The following MPDZ variants were observed in gnomAD, a reference collection of about 807,000 sequenced individuals.
The protein encoded by MPDZ is multiple PDZ domain crumbs cell polarity complex component.
MPDZ carries 234 observed loss-of-function variants against 239.1 expected under a neutral mutation model. That is an observed-to-expected ratio of 0.98 (90% CI 0.88 to 1.09). The LOEUF is 1.09. MPDZ is among the 50% of genes least tolerant of loss of function. The pLI is 0.00. For synonymous variants in MPDZ, 1,048 were observed against 881.3 expected, an observed-to-expected ratio of 1.19 and a Z score of -3.35; for missense variants, 3,175 against 2,510.0, an observed-to-expected ratio of 1.26 and a Z score of -5.66.
chr9:13,119,540 G>T lies in MPDZ; in HGVS notation c.5341C>A (p.Arg1781Ser), dbSNP rs193128302. ...QILMVNGEDV[R>S]NATQEAVAAL... is the part of the protein sequence containing the mutation. ...GCAACCGCTTCTTGGGTGGCATTAC[G>T]AACGTCTTCCCCATTCACCATTAAT... The change falls in exon 39 of 47, where the codon CGT becomes AGT. Residue 1781 changes from arginine (R) to serine (S), a missense_variant. Coordinates refer to ENST00000319217, the MANE Select transcript of MPDZ (RefSeq NM_001378778.1). 63 of 1,613,022 alleles carry T rather than the reference G, an allele frequency of 3.9e-5. No individual in the cohort carries two copies. The East Asian group carries it at 1.2e-3, about 32-fold the overall frequency.
chr9:13,246,038 T>C (rs945125323), intron 3 of MPDZ, among the ~76,000 whole-genome samples: 3 of 90,062 alleles, frequency 3.3e-5, no homozygotes, highest in African/African-American at 8.4e-5. Flanking sequence ...ATAGAAGATA[T>C]CTGTTCAACT....
chr9:13,151,257 T>C (rs571283402), intron 24 of MPDZ, among the ~76,000 whole-genome samples: 1 of 152,122 alleles, frequency 6.6e-6, no homozygotes, highest in East Asian at 1.9e-4. Flanking sequence ...TATAGGTTCC[T>C]CAAAAAATTA....
intron 3 of MPDZ, among the ~76,000 whole-genome samples, chr9:13,244,822 C>A (rs897443155): frequency 1.3e-5 from 2 of 152,078 alleles, no homozygotes; most frequent in African/African-American, 4.8e-5. Context: ...GGTATGTCAG[C>A]ATCTGTCATT....
chr9:13,126,630 A>C, intron 33 of MPDZ, 40 bp from the exon 34 acceptor site: 5 of 1,611,934 alleles, frequency 3.1e-6, no homozygotes, highest in Non-Finnish European at 4.2e-6. Context: ...ATATTCCAAA[A>C]GTAATTCCCT....
intron 39 of MPDZ, 41 bp downstream of exon 39, chr9:13,119,461 C>T: frequency 1.3e-6 from 2 of 1,570,772 alleles, no homozygotes; most frequent in African/African-American, 1.4e-5. Flanking sequence ...TATCTTTTTT[C>T]TTCTACGCTA....
In MPDZ at chr9:13,176,261, G is replaced by A. The variant is rs2134187979; in HGVS notation, c.2806C>T (p.Pro936Ser). The A allele has an allele frequency of 6.2e-7, 1 of 1,609,310 alleles. No homozygotes were observed. Among genetic ancestry groups the A allele is most frequent in the Non-Finnish European group, 8.5e-7 (1 of 1,177,466 alleles). ...ASGFTINDYTPANAIEQQYEC... is the reference protein window; with the variant it reads ...ASGFTINDYTSANAIEQQYEC... Reference sequence around the variant, plus strand: ...TATTGTTGTTCAATAGCATTTGCAGGTGTGTAGTCATTTATAGTAAAGCCA... The same window carrying A: ...TATTGTTGTTCAATAGCATTTGCAGATGTGTAGTCATTTATAGTAAAGCCA... Residue 936 changes from proline (P) to serine (S), a missense_variant, in exon 20 of 47, where the codon CCT (proline) becomes TCT (serine). Physicochemically the swap from Pro to Ser is moderately conservative, Grantham distance 74. Transcript: ENST00000319217.
At chr9:13,268,286 T>C (rs956078161) in intron 1 of MPDZ, among the ~76,000 whole-genome samples, 4 of 151,962 alleles carry the variant, frequency 2.6e-5, no homozygotes, top group African/African-American at 9.7e-5. Context: ...GCCATGTGTA[T>C]AGGAAGATTT....
intron 43 of MPDZ, among the ~76,000 whole-genome samples, chr9:13,111,620 G>C (rs567791562): frequency 1.4e-4 from 21 of 152,116 alleles, no homozygotes; most frequent in Non-Finnish European, 2.8e-4. Context: ...TTAAACTTCT[G>C]CAAAATTATC....
At chr9:13,234,828 T>A (rs1287308563) in intron 3 of MPDZ, among the ~76,000 whole-genome samples, 1 of 146,254 alleles carries the variant, frequency 6.8e-6, no homozygotes, top group African/African-American at 2.5e-5. Context: ...TTTTTTTTTT[T>A]AATCATGCAC....
chr9:13,152,927 G>T (rs1949372378), intron 24 of MPDZ, among the ~76,000 whole-genome samples: 2 of 152,038 alleles, frequency 1.3e-5, no homozygotes. Flanking sequence ...TGAGGTCTTT[G>T]GCCTAGATGA....
Position 13,112,062 on chromosome 9 carries a change from G to C in MPDZ, c.5686C>G (p.His1896Asp). Residue 1896 changes from histidine to aspartate, a missense_variant, in exon 43 of 47, where the codon CAC (histidine) becomes GAC (aspartate). Coordinates refer to ENST00000319217, the MANE Select transcript of MPDZ (RefSeq NM_001378778.1). The stretch of plus-strand genomic sequence containing the variant: ...GTCTGTGCTGCAACTCCAGTTGGGT[G>C]CATCATTGCAATAAATATAGGCACA... ...GDVPIFIAMMHPTGVAAQTQK... is the reference protein window; with the variant it reads ...GDVPIFIAMMDPTGVAAQTQK... 6.2e-7 allele frequency: 1 copy of C among 1,613,612 alleles called. No individual in the cohort carries two copies. Among genetic ancestry groups the C allele is most frequent in the Non-Finnish European group, 8.5e-7 (1 of 1,179,672 alleles).
chr9:13,190,880 C>G (rs1026219084), intron 15 of MPDZ, among the ~76,000 whole-genome samples: 1 of 152,132 alleles, frequency 6.6e-6, no homozygotes, highest in Non-Finnish European at 1.5e-5. Context: ...TATTCATCAA[C>G]TGGGTCCCAG....
rs760657684 is a variant in MPDZ, at chr9:13,190,226, C to T, written c.2042G>A (p.Gly681Asp). The stretch of plus-strand genomic sequence containing the variant: ...TGCTTGAACCTCTTCTGTACTCTGA[C>T]CCGCATCAGTCATCGCCAGCACTGG... The part of the protein sequence containing the change: ...EDPVLAMTDA[G>D]QSTEEVQAPL... The change falls in exon 16 of 47, where the codon GGT becomes GAT. Residue 681 changes from glycine (G) to aspartate (D), a missense_variant. Physicochemically the swap from Gly to Asp is moderately conservative, Grantham distance 94. Coordinates refer to ENST00000319217, the MANE Select transcript of MPDZ (RefSeq NM_001378778.1). 1 of 1,612,942 alleles carries T rather than the reference C, an allele frequency of 6.2e-7. No individual in the cohort carries two copies. Among genetic ancestry groups the T allele is most frequent in the South Asian group, 1.1e-5 (1 of 91,000 alleles).
intron 1 of MPDZ, among the ~76,000 whole-genome samples, chr9:13,255,034 T>C (rs1969092701): frequency 6.6e-6 from 1 of 152,188 alleles, no homozygotes; most frequent in Non-Finnish European, 1.5e-5. Context: ...CAATAGAACC[T>C]CTCAAATCCT....
In MPDZ at chr9:13,190,398, C is replaced by G. The variant is rs1196682942; in HGVS notation, c.1969-99G>C. The G allele has an allele frequency of 2.9e-6, 3 of 1,050,376 alleles. No individual in the cohort carries two copies. The African/African-American group carries it at 4.9e-5, about 17-fold the overall frequency. 65.1% of individuals were successfully genotyped at this position (1,050,376 alleles called of 1,614,324 possible). ...GGGATATTCCCAGCATCTGTCCAAA[C>G]AAAACATCCTCAAACAAGAGTAGCA... On this transcript the variant is annotated intron_variant, in intron 15 of 46. Coordinates refer to ENST00000319217, the MANE Select transcript of MPDZ (RefSeq NM_001378778.1).
chr9:13,167,869 G>C (rs543186779), intron 22 of MPDZ, among the ~76,000 whole-genome samples: 7 of 152,154 alleles, frequency 4.6e-5, no homozygotes, highest in Admixed American at 1.3e-4. Context: ...TCAACATATT[G>C]GTCTATCCCC....
intron 3 of MPDZ, among the ~76,000 whole-genome samples, chr9:13,230,240 T>C (rs952553610): frequency 4.6e-5 from 7 of 152,140 alleles, no homozygotes; most frequent in African/African-American, 1.7e-4. Context: ...AAAAATAGTT[T>C]CGCAGTTTCT....
intron 26 of MPDZ, among the ~76,000 whole-genome samples, chr9:13,146,949 G>A (rs1948512838): frequency 6.6e-6 from 1 of 151,826 alleles, no homozygotes. Context: ...TGGCAAAACG[G>A]GTTGGTAGGT....
At chr9:13,122,287 G>A in intron 36 of MPDZ, 117 bp from the exon 37 acceptor site, 2 of 885,110 alleles carry the variant, frequency 2.3e-6, no homozygotes, top group Non-Finnish European at 3.5e-6. Context: ...ATAAACTCTG[G>A]CTCTACAGTA....
Sources: gnomAD v4.1 joint callset for allele counts (sites outside exome capture counted in the v4.1 genomes callset) on GRCh38, gnomAD v4.1.1 for gene constraint, MANE v1.5 for transcripts, NCBI Gene and HGNC (gene_info 2026-07-23, HGNC 2026-07-21) for gene names.